The following IGSF9B variants were observed in gnomAD, a reference collection of about 807,000 sequenced individuals.
IGSF9B encodes immunoglobulin superfamily member 9B.
In IGSF9B, 48 loss-of-function variants were observed where a neutral mutation model predicts 143.7. The observed-to-expected ratio is 0.33, with a 90% confidence interval of 0.26 to 0.42. IGSF9B has a LOEUF of 0.42. IGSF9B is among the 20% of genes least tolerant of loss of function. IGSF9B has a pLI of 1.00. For missense variants in IGSF9B, 1,706 were observed against 1,980.0 expected (o/e 0.86, Z 2.63); for synonymous variants, 903 against 833.1 (o/e 1.08, Z -1.44).
intron 7 of IGSF9B, among the ~76,000 whole-genome samples, chr11:133,933,172 T>C (rs1939764732): frequency 6.6e-6 from 1 of 152,174 alleles, no homozygotes; most frequent in Non-Finnish European, 1.5e-5. Flanking sequence ...GCCCCTGTCA[T>C]GCTTCTACCA....
chr11:133,936,041 C>G lies in IGSF9B; in HGVS notation c.821+12G>C. 2 of 1,612,832 alleles carry G rather than the reference C, an allele frequency of 1.2e-6. No homozygotes were observed. The highest frequency in any genetic ancestry group is 1.7e-5 in the Admixed American group (1 of 59,894). ...TGGCAACCTCATTGAAAAGTCAGAG[C>G]AGGGTGCTCACTTCTGAAAGTAGAC... On this transcript the variant is annotated intron_variant, in intron 6 of 19. Coordinates refer to ENST00000533871, the MANE Select transcript of IGSF9B (RefSeq NM_001277285.4).
rs1368249267 is a variant in IGSF9B, at chr11:133,898,416, G to C, written c.*10653C>G. The C allele has an allele frequency of 6.5e-6, 1 of 153,378 alleles. No individual in the cohort carries two copies. The highest frequency in any genetic ancestry group is 2.4e-5 in the African/African-American group (1 of 41,466). 9.5% of individuals were successfully genotyped at this position (153,378 alleles called of 1,614,324 possible). A position where few individuals can be genotyped will look rare whatever the true frequency, so the allele number is the denominator to read the frequency against. On this transcript the variant is annotated 3_prime_UTR_variant, in exon 20 of 20. Coordinates refer to ENST00000533871, the MANE Select transcript of IGSF9B (RefSeq NM_001277285.4). Reference sequence around the variant, plus strand: ...CCACCAGGTGAAATGGAGGAAAGAAGCTCATCTAAAACTTGCCCCCAGGTG... The same window carrying C: ...CCACCAGGTGAAATGGAGGAAAGAACCTCATCTAAAACTTGCCCCCAGGTG...
intron 3 of IGSF9B, among the ~76,000 whole-genome samples, chr11:133,943,345 G>A (rs1035399448): frequency 1.3e-5 from 2 of 152,142 alleles, no homozygotes; most frequent in Admixed American, 6.5e-5. Context: ...CCCCTCCCAC[G>A]ACGGGGACCA....
In IGSF9B at chr11:133,944,318, C is replaced by A; in HGVS notation, c.311G>T (p.Arg104Leu). ...CTCATACCAGCCCTGGTCCTCAGAG[C>A]GAACTTGTTCCAGCCGCAGAGATGC... ...DKASLRLEQV[R>L]SEDQGWYECK... Residue 104 changes from arginine to leucine, a missense_variant, in exon 3 of 20, where the codon CGC becomes CTC. By Grantham distance (102) the Arg-to-Leu change is moderately radical. Transcript: ENST00000533871. The A allele has an allele frequency of 6.2e-7, 1 of 1,613,928 alleles. No homozygotes were observed. Among genetic ancestry groups the A allele is most frequent in the South Asian group, 1.1e-5 (1 of 91,068 alleles).
intron 13 of IGSF9B, among the ~76,000 whole-genome samples, chr11:133,926,625 G>A (rs558448143): frequency 1.8e-4 from 28 of 152,368 alleles, no homozygotes; most frequent in Non-Finnish European, 3.2e-4. Context: ...GAGGGAGGAT[G>A]CCCAATCTCC....
rs1939033389 is a variant in IGSF9B, at chr11:133,897,172, A to G, written c.*11897T>C. 6.6e-6 allele frequency: 1 copy of G among 152,136 alleles called. No individual in the cohort carries two copies. Among genetic ancestry groups the G allele is most frequent in the African/African-American group, 2.4e-5 (1 of 41,426 alleles). 9.4% of individuals were successfully genotyped at this position (152,136 alleles called of 1,614,324 possible). Reference sequence around the variant, plus strand: ...CTGATTGAGAGTGTAGCTGTTTCCAATACACCTCCCTTCCCTGACGGAGAA... The same window carrying G: ...CTGATTGAGAGTGTAGCTGTTTCCAGTACACCTCCCTTCCCTGACGGAGAA... On this transcript the variant is annotated 3_prime_UTR_variant, in exon 20 of 20. Transcript: ENST00000533871.
At chr11:133,922,861 A>G in intron 15 of IGSF9B, 131 bp from the exon 16 acceptor site, 1 of 811,944 alleles carries the variant, frequency 1.2e-6, no homozygotes, top group Non-Finnish European at 1.9e-6. Flanking sequence ...CTCCAAGCTG[A>G]ACTCTAGCAC....
intron 12 of IGSF9B, among the ~76,000 whole-genome samples, chr11:133,927,674 C>T (rs756854502): frequency 7.2e-5 from 11 of 152,208 alleles, no homozygotes; most frequent in Non-Finnish European, 1.2e-4. Flanking sequence ...AAGAAGGTCA[C>T]GCTATGCATG....
intron 15 of IGSF9B, 45 bp from the exon 16 acceptor site, chr11:133,922,775 G>A (rs1591713359): frequency 6.6e-7 from 1 of 1,505,904 alleles, no homozygotes; most frequent in Non-Finnish European, 8.9e-7. Context: ...CCTTCCCCGG[G>A]ACCTCACCTG....
chr11:133,924,993 A>G, intron 14 of IGSF9B, 89 bp from the exon 15 acceptor site: 2 of 1,112,440 alleles, frequency 1.8e-6, no homozygotes, highest in Non-Finnish European at 2.7e-6. Context: ...CAGCCTTGCA[A>G]AGGGCAGGGC....
chr11:133,904,189 C>A lies in IGSF9B; in HGVS notation c.*4880G>T, dbSNP rs186940626. ...AAGGCACGTCAGGCTCCAGCTCCCCCTCTCTATCACCATCACCATCACCAA... is the reference window on the plus strand; with the variant it reads ...AAGGCACGTCAGGCTCCAGCTCCCCATCTCTATCACCATCACCATCACCAA... On this transcript the variant is annotated 3_prime_UTR_variant, in exon 20 of 20. Coordinates refer to ENST00000533871, the MANE Select transcript of IGSF9B (RefSeq NM_001277285.4). Among the ~76,000 whole-genome samples, 4 of 152,276 alleles carry A rather than the reference C, an allele frequency of 2.6e-5. No homozygotes were observed. The South Asian group carries it at 6.2e-4, about 24-fold the overall frequency.
In IGSF9B at chr11:133,925,914, C is replaced by T; in HGVS notation, c.1859G>A (p.Cys620Tyr). The change falls in exon 14 of 20, where the codon TGC becomes TAC. Residue 620 changes from cysteine to tyrosine, a missense_variant. Physicochemically the swap from Cys to Tyr is radical, Grantham distance 194. Coordinates refer to ENST00000533871, the MANE Select transcript of IGSF9B (RefSeq NM_001277285.4). The stretch of plus-strand genomic sequence containing the variant: ...CTGCTGAGTCCGATTGGCTATGAGG[C>T]ACCTCGGTGGGGTGACCAGCACCAG... Reference protein sequence around the residue: ...EPLVLVTPPRCLIANRTQQGV... With the variant: ...EPLVLVTPPRYLIANRTQQGV... 2.5e-6 allele frequency: 4 copies of T among 1,610,988 alleles called. No individual in the cohort carries two copies. The highest frequency in any genetic ancestry group is 3.4e-6 in the Non-Finnish European group (4 of 1,178,558).
At chr11:133,947,863 C>G (rs1371472563) in intron 1 of IGSF9B, among the ~76,000 whole-genome samples, 5 of 152,040 alleles carry the variant, frequency 3.3e-5, no homozygotes, top group Non-Finnish European at 7.4e-5. Flanking sequence ...CTCTGTCTGC[C>G]TGTCTGTCTG....
In IGSF9B at chr11:133,905,243, C is replaced by T. The variant is rs555569506; in HGVS notation, c.*3826G>A. Among the ~76,000 whole-genome samples, 2 of 152,116 alleles carry T rather than the reference C, an allele frequency of 1.3e-5. No individual in the cohort carries two copies. Among genetic ancestry groups the T allele is most frequent in the African/African-American group, 4.8e-5 (2 of 41,484 alleles). Reference sequence around the variant, plus strand: ...CTTTATGTACAATTCTTCCCCCACCCCACCCCCAAGCCTGGAAAAGGCTTT... The same window carrying T: ...CTTTATGTACAATTCTTCCCCCACCTCACCCCCAAGCCTGGAAAAGGCTTT... On this transcript the variant is annotated 3_prime_UTR_variant, in exon 20 of 20. Coordinates refer to ENST00000533871, the MANE Select transcript of IGSF9B (RefSeq NM_001277285.4). The surrounding 1 kb of genome is among the most constrained non-coding windows in gnomAD (Gnocchi z 4.0).
intron 18 of IGSF9B, among the ~76,000 whole-genome samples, chr11:133,918,465 G>A (rs1436945207): frequency 6.6e-6 from 1 of 152,138 alleles, no homozygotes; most frequent in Non-Finnish European, 1.5e-5. Flanking sequence ...ACGATGGAAG[G>A]AAGCAGATGA....
rs2052399927 is a variant in IGSF9B at position 133,928,833 on chromosome 11, C to G, written c.1631+838G>C. On this transcript the variant is annotated intron_variant, in intron 12 of 19. Coordinates refer to ENST00000533871, the MANE Select transcript of IGSF9B (RefSeq NM_001277285.4). This position sits in a 1 kb window ranked among gnomAD's most constrained non-coding sequence, Gnocchi z 4.7. Reference sequence around the variant, plus strand: ...GCGCAAAGACCTCATATGACTGCATCTGGCTAAACTGACAACAGAGGAATG... The same window carrying G: ...GCGCAAAGACCTCATATGACTGCATGTGGCTAAACTGACAACAGAGGAATG... Among the ~76,000 whole-genome samples, 1 of 152,176 alleles carries G rather than the reference C, an allele frequency of 6.6e-6. No homozygotes were observed. The highest frequency in any genetic ancestry group is 1.5e-5 in the Non-Finnish European group (1 of 68,044).
At chr11:133,915,460 G>A (rs1939364159) in intron 18 of IGSF9B, among the ~76,000 whole-genome samples, 1 of 151,678 alleles carries the variant, frequency 6.6e-6, no homozygotes, top group East Asian at 1.9e-4. Context: ...TTGCAGAGAT[G>A]GGGCTTCACT....
In IGSF9B at chr11:133,948,056, C is replaced by CGTGTGTGTGCGT. The variant is rs1940088937; in HGVS notation, c.65-1799_65-1798insACGCACACACAC. 6.8e-6 allele frequency among the ~76,000 whole-genome samples: 1 copy of CGTGTGTGTGCGT among 147,186 alleles called. No homozygotes were observed. The highest frequency in any genetic ancestry group is 2.2e-4 in the South Asian group (1 of 4,538). On this transcript the variant is annotated intron_variant, in intron 1 of 19. Coordinates refer to ENST00000533871, the MANE Select transcript of IGSF9B (RefSeq NM_001277285.4). The surrounding 1 kb of genome is among the most constrained non-coding windows in gnomAD (Gnocchi z 4.7). ...CTGTTTCTGTCTACCAGCATGTGTG[C>CGTGTGTGTGCGT]GTGTGTGTGTGTGTGTGTGTGTGTG...
At chr11:133,922,316 C>T (rs766271149) in intron 16 of IGSF9B, 94 bp from the exon 17 acceptor site, 34 of 1,232,766 alleles carry the variant, frequency 2.8e-5, no homozygotes, top group African/African-American at 9.0e-5. Context: ...GGAGCACCAC[C>T]GCACAGGGAA....
Sources: allele counts gnomAD v4.1 joint callset (sites outside exome capture counted in the v4.1 genomes callset), GRCh38; gene constraint gnomAD v4.1.1; non-coding constraint Gnocchi (gnomAD v3.1); transcripts MANE v1.5; gene names NCBI Gene and HGNC (gene_info 2026-07-23, HGNC 2026-07-21).